Variants in ZNF613 observed in about 807,000 individuals in gnomAD.
ZNF613 encodes the protein zinc finger protein 613.
ZNF613 carries 8 observed loss-of-function variants against 14.3 expected under a neutral mutation model. That is an observed-to-expected ratio of 0.56 (90% CI 0.33 to 1.01). The LOEUF is 1.01. Among genes scored for constraint, ZNF613 ranks in the 50% least tolerant of loss-of-function variants. ZNF613 has a pLI of 0.03. For synonymous variants in ZNF613, 228 were observed against 254.5 expected (o/e 0.90, Z 0.99); for missense variants, 656 against 741.9 (o/e 0.88, Z 1.35).
intron 5 of ZNF613, among the ~76,000 whole-genome samples, chr19:51,943,757 G>GAT (rs1247699276): frequency 1.3e-5 from 2 of 150,640 alleles, no homozygotes; most frequent in Non-Finnish European, 2.9e-5. Context: ...ATCGCCCATA[G>GAT]ATGAGGGATT....
intron 5 of ZNF613, 62 bp from the exon 6 acceptor site, chr19:51,944,057 C>T (rs2085371465): frequency 1.4e-6 from 2 of 1,417,118 alleles, no homozygotes; most frequent in Admixed American, 2.7e-5. Context: ...CTGTACAAGA[C>T]TGTTTGTGAA....
rs1468048571 is a variant in ZNF613, at chr19:51,945,393, A to G, written c.1510A>G (p.Arg504Gly). 1 of 1,613,744 alleles carries G rather than the reference A, an allele frequency of 6.2e-7. No homozygotes were observed. The highest frequency in any genetic ancestry group is 1.1e-5 in the South Asian group (1 of 91,046). ...RDKSCLNRHR[R>G]THTGERPYGC... ...TAAATCATGTCTCAACAGACATCGG[A>G]GAACTCATACAGGGGAGAGACCGTA... is the stretch of plus-strand genomic sequence containing the variant. The change falls in exon 6 of 6, where the codon AGA becomes GGA. Residue 504 changes from arginine (R) to glycine (G), a missense_variant. Arg to Gly is a moderately radical substitution (Grantham distance 125). Coordinates refer to ENST00000293471, the MANE Select transcript of ZNF613 (RefSeq NM_001031721.4).
rs1315509902 is a variant in ZNF613 at position 51,945,244 on chromosome 19, C to T, written c.1361C>T (p.Thr454Ile). 9 of 1,613,928 alleles carry T rather than the reference C, an allele frequency of 5.6e-6. No individual in the cohort carries two copies. The highest frequency in any genetic ancestry group is 2.2e-5 in the East Asian group (1 of 44,882). The change falls in exon 6 of 6, where the codon ACA (threonine) becomes ATA (isoleucine). Residue 454 changes from threonine (T) to isoleucine (I), a missense_variant. By Grantham distance (89) the Thr-to-Ile change is moderately conservative (BLOSUM62 -1). Transcript: ENST00000293471. ...CATCAGAGATTTCACACAGGAAAGA[C>T]ACCCTTTGTATGTACTGAGTGTGGA... Reference protein sequence around the residue: ...ISHQRFHTGKTPFVCTECGKS... With the variant: ...ISHQRFHTGKIPFVCTECGKS...
Position 51,945,268 on chromosome 19 carries a change from G to C in ZNF613, c.1385G>C (p.Gly462Ala), listed in dbSNP as rs2085389019. The change falls in exon 6 of 6, where the codon GGA (glycine) becomes GCA (alanine). Residue 462 changes from glycine to alanine, a missense_variant. Transcript: ENST00000293471. ...ACACCCTTTGTATGTACTGAGTGTGGAAAATCCTGCTCACACAAGTCAGGT... is the reference window on the plus strand; with the variant it reads ...ACACCCTTTGTATGTACTGAGTGTGCAAAATCCTGCTCACACAAGTCAGGT... The part of the protein sequence containing the change: ...GKTPFVCTEC[G>A]KSCSHKSGLI... The C allele has an allele frequency of 6.2e-7, 1 of 1,613,846 alleles. No individual in the cohort carries two copies. The highest frequency in any genetic ancestry group is 1.3e-5 in the African/African-American group (1 of 74,834).
intron 1 of ZNF613, among the ~76,000 whole-genome samples, chr19:51,928,894 G>C (rs1344454167): frequency 1.3e-5 from 2 of 150,666 alleles, no homozygotes; most frequent in East Asian, 3.9e-4. Context: ...AAAAGAAAAA[G>C]GAAAAAACAA....
Position 51,940,255 on chromosome 19 carries a change from A to T in ZNF613, c.62A>T (p.Glu21Val), listed in dbSNP as rs1454706782. ...GTGGCTGTGGAGTTCACTTGGGAGG[A>T]GTGGCAGCTCCTCGGCCCTGCTCAG... ...EDVAVEFTWEEWQLLGPAQKD... is the reference protein window; with the variant it reads ...EDVAVEFTWEVWQLLGPAQKD... The change falls in exon 4 of 6, where the codon GAG (glutamate) becomes GTG (valine). Residue 21 changes from glutamate (E) to valine (V), a missense_variant. Transcript: ENST00000293471. 1 of 1,613,610 alleles carries T rather than the reference A, an allele frequency of 6.2e-7. No individual in the cohort carries two copies. The highest frequency in any genetic ancestry group is 1.3e-5 in the African/African-American group (1 of 74,856).
chr19:51,929,067 A>T (rs2085243196), intron 1 of ZNF613, among the ~76,000 whole-genome samples: 3 of 152,190 alleles, frequency 2.0e-5, no homozygotes. Context: ...ATGACTTTTG[A>T]TAAGATTTTT....
intron 3 of ZNF613, among the ~76,000 whole-genome samples, chr19:51,937,708 C>T (rs1013772282): frequency 6.8e-6 from 1 of 147,166 alleles, no homozygotes; most frequent in Non-Finnish European, 1.5e-5. Context: ...GGTGGTGTGA[C>T]AGATGATGTC....
chr19:51,936,423 A>C (rs2085305855), intron 3 of ZNF613, among the ~76,000 whole-genome samples, 188 bp downstream of exon 3: 1 of 152,226 alleles, frequency 6.6e-6, no homozygotes. Flanking sequence ...ATGTGGTATC[A>C]TAGAAAGATA....
chr19:51,940,361 CAG>C, intron 4 of ZNF613, 26 bp downstream of exon 4: 2 of 1,612,912 alleles, frequency 1.2e-6, no homozygotes, highest in South Asian at 2.2e-5. Context: ...CTGTGTCACT[CAG>C]AGAGTACCCA....
intron 3 of ZNF613, among the ~76,000 whole-genome samples, chr19:51,938,378 C>G (rs1238509562): frequency 6.6e-6 from 1 of 151,722 alleles, no homozygotes; most frequent in Non-Finnish European, 1.5e-5. Context: ...CTCAAGAGAT[C>G]CTTCTGCTTC....
intron 5 of ZNF613, among the ~76,000 whole-genome samples, chr19:51,941,529 G>A (rs557325685): frequency 6.6e-6 from 1 of 151,820 alleles, no homozygotes; most frequent in Non-Finnish European, 1.5e-5. Flanking sequence ...CTGGTCTGTT[G>A]CTTTGCATAT....
chr19:51,941,025 G>A (rs906897014), intron 5 of ZNF613, among the ~76,000 whole-genome samples: 2 of 151,850 alleles, frequency 1.3e-5, no homozygotes, highest in African/African-American at 4.8e-5. Context: ...CTACCTCCCA[G>A]TTCAAGCGAT....
intron 2 of ZNF613, among the ~76,000 whole-genome samples, chr19:51,931,178 G>A (rs2085261136): frequency 3.9e-5 from 6 of 152,094 alleles, no homozygotes; most frequent in Admixed American, 2.6e-4. Context: ...AATCCTTTAC[G>A]TCAACTTTGC....
In ZNF613 at chr19:51,940,529, A is replaced by C; in HGVS notation, c.143-88A>C. 14 of 1,494,648 alleles carry C rather than the reference A, an allele frequency of 9.4e-6. No individual in the cohort carries two copies. The South Asian group carries it at 1.6e-4, about 17-fold the overall frequency. 92.6% of individuals were successfully genotyped at this position (1,494,648 alleles called of 1,614,324 possible). A position where few individuals can be genotyped will look rare whatever the true frequency, so the allele number is the denominator to read the frequency against. ...TTTGCTTTGCAGACACATAAATTAC[A>C]TAGTTCCTAAAACAGAACATGGTCC... On this transcript the variant is annotated intron_variant, in intron 4 of 5. Coordinates refer to ENST00000293471, the MANE Select transcript of ZNF613 (RefSeq NM_001031721.4).
chr19:51,932,340 A>C (rs1259106864), intron 2 of ZNF613, among the ~76,000 whole-genome samples: 1 of 105,910 alleles, frequency 9.4e-6, no homozygotes, highest in Non-Finnish European at 1.8e-5. Flanking sequence ...ACAGAGTTTC[A>C]CTCTTGTTGC....
chr19:51,928,407 GGT>G (rs1884259510), intron 1 of ZNF613, among the ~76,000 whole-genome samples: 2 of 152,184 alleles, frequency 1.3e-5, no homozygotes, highest in South Asian at 4.1e-4. Context: ...CATCCTGATT[GGT>G]GTGTGTGTTC....
chr19:51,928,356 C>T (rs1334725296), intron 1 of ZNF613, among the ~76,000 whole-genome samples: 1 of 152,146 alleles, frequency 6.6e-6, no homozygotes, highest in African/African-American at 2.4e-5. Context: ...ATGTGACAGT[C>T]GTGGAGAAGC....
intron 1 of ZNF613, among the ~76,000 whole-genome samples, chr19:51,929,091 T>G (rs1355907308): frequency 1.3e-5 from 2 of 152,214 alleles, no homozygotes; most frequent in Non-Finnish European, 2.9e-5. Flanking sequence ...TATTTCAATT[T>G]CAGTTTTCTA....
Sources: allele counts gnomAD v4.1 joint callset (sites outside exome capture counted in the v4.1 genomes callset), GRCh38; gene constraint gnomAD v4.1.1; transcripts MANE v1.5; gene names NCBI Gene and HGNC (gene_info 2026-07-23, HGNC 2026-07-21).